KIAA1217: variants seen among roughly 807,000 people sequenced by gnomAD.
KIAA1217 encodes sickle tail protein homolog.
KIAA1217 carries 88 observed loss-of-function variants against 163.9 expected under a neutral mutation model. The ratio of observed to expected loss-of-function variants is 0.54; its 90% confidence interval spans 0.45 to 0.64. The LOEUF (loss-of-function observed/expected upper bound fraction) is 0.64, where lower values mean the gene tolerates loss of function less well. Among genes scored for constraint, KIAA1217 ranks in the 30% least tolerant of loss-of-function variants. The probability of loss-of-function intolerance (pLI) is 0.00; values close to 1 mark genes in which losing one functional copy is unlikely to be tolerated. For synonymous variants in KIAA1217, 903 were observed against 923.1 expected (o/e 0.98, Z 0.39); for missense variants, 2,372 against 2,475.0 (o/e 0.96, Z 0.88).
intron 2 of KIAA1217, among the ~76,000 whole-genome samples, chr10:24,273,883 G>A (rs1011991065): frequency 2.0e-5 from 3 of 151,328 alleles, no homozygotes; most frequent in Non-Finnish European, 2.9e-5. Context: ...AGTTACTGTT[G>A]CAGGGATTGG....
intron 2 of KIAA1217, among the ~76,000 whole-genome samples, chr10:24,175,926 G>A (rs980926413): frequency 3.9e-5 from 6 of 152,164 alleles, no homozygotes. Context: ...AGGCAGTGCG[G>A]ACCCAAAGAG....
chr10:24,537,577 C>CAAAA (rs72185665), intron 17 of KIAA1217, among the ~76,000 whole-genome samples: 137 of 119,154 alleles, frequency 1.1e-3, no homozygotes, highest in African/African-American at 3.4e-3. Context: ...AACTCTGTCT[C>CAAAA]AAAAAAAAAA....
chr10:23,810,690 G>T (rs1463608269), intron 1 of KIAA1217, among the ~76,000 whole-genome samples: 1 of 125,738 alleles, frequency 8.0e-6, no homozygotes, highest in African/African-American at 3.1e-5. Context: ...GCTATATATA[G>T]TATACTATAT....
chr10:23,891,265 A>C (rs768491725), intron 1 of KIAA1217, among the ~76,000 whole-genome samples: 3 of 151,954 alleles, frequency 2.0e-5, no homozygotes, highest in Non-Finnish European at 2.9e-5. Flanking sequence ...TTTAAGATAC[A>C]TCTTGCTATT....
intron 2 of KIAA1217, among the ~76,000 whole-genome samples, chr10:24,065,085 A>G (rs535401870): frequency 4.9e-4 from 75 of 152,274 alleles, no homozygotes; most frequent in African/African-American, 1.7e-3. Flanking sequence ...ATCCTTTCAA[A>G]AAACCAGCTC....
chr10:24,432,868 T>G, intron 3 of KIAA1217, 127 bp from the exon 4 acceptor site: 1 of 667,718 alleles, frequency 1.5e-6, no homozygotes, highest in South Asian at 1.9e-5. Flanking sequence ...AACCTAGATC[T>G]CTTGTTACAT....
chr10:24,271,158 A>T (rs1268058061), intron 2 of KIAA1217, among the ~76,000 whole-genome samples: 1 of 152,186 alleles, frequency 6.6e-6, no homozygotes, highest in African/African-American at 2.4e-5. Context: ...ATTTGGCATC[A>T]AAGTTATTTT....
intron 1 of KIAA1217, among the ~76,000 whole-genome samples, chr10:23,841,242 A>G (rs1307153956): frequency 6.6e-6 from 1 of 152,136 alleles, no homozygotes; most frequent in Non-Finnish European, 1.5e-5. Flanking sequence ...CTGAATGGTA[A>G]CAGAAGCCTG....
intron 2 of KIAA1217, among the ~76,000 whole-genome samples, chr10:24,066,023 A>C (rs2060928857): frequency 6.6e-6 from 1 of 151,828 alleles, no homozygotes; most frequent in Non-Finnish European, 1.5e-5. Context: ...CTTTATTTTG[A>C]GCCTATGTGT....
At chr10:24,536,237 C>T (rs944181757) in intron 16 of KIAA1217, among the ~76,000 whole-genome samples, 1 of 152,158 alleles carries the variant, frequency 6.6e-6, no homozygotes, top group African/African-American at 2.4e-5. Context: ...TGCTTAAAAG[C>T]ATCACTTTAC....
chr10:24,178,074 G>A (rs1379137360), intron 2 of KIAA1217, among the ~76,000 whole-genome samples: 1 of 152,134 alleles, frequency 6.6e-6, no homozygotes, highest in African/African-American at 2.4e-5. Flanking sequence ...ATTCTGAGGA[G>A]AGCAAATTAA....
In KIAA1217 at chr10:24,279,290, A is replaced by T. The variant is rs1323730047; in HGVS notation, c.354+59381A>T. ...TTTTTGTTTGTTTGTTTTTTTTTTTAAAAAAAGATCTGCAGAGGCTATTGT... is the reference window on the plus strand; with the variant it reads ...TTTTTGTTTGTTTGTTTTTTTTTTTTAAAAAAGATCTGCAGAGGCTATTGT... On this transcript the variant is annotated intron_variant, in intron 2 of 20. Transcript: ENST00000376454. Among the ~76,000 whole-genome samples the T allele has an allele frequency of 6.5e-4, 95 of 147,030 alleles. 1 individual carries two copies. The highest frequency in any genetic ancestry group is 1.4e-3 in the East Asian group (7 of 5,004).
chr10:23,916,403 T>C (rs1022511550), intron 1 of KIAA1217, among the ~76,000 whole-genome samples: 5 of 152,214 alleles, frequency 3.3e-5, no homozygotes, highest in African/African-American at 1.2e-4. Context: ...GTTGGTTCCT[T>C]TTCTGCAATC....
chr10:23,928,395 A>C (rs1002488544), intron 1 of KIAA1217, among the ~76,000 whole-genome samples: 2 of 152,166 alleles, frequency 1.3e-5, no homozygotes, highest in African/African-American at 4.8e-5. Context: ...GGCATGATAG[A>C]TCTTTCTCTT....
At chr10:24,445,650 G>C (rs1049463312) in intron 5 of KIAA1217, among the ~76,000 whole-genome samples, 6 of 150,284 alleles carry the variant, frequency 4.0e-5, no homozygotes, top group African/African-American at 1.5e-4. Context: ...TTGTCCTTGC[G>C]ATAGTTTGCT....
At chr10:24,329,037 T>C (rs2045317594) in intron 2 of KIAA1217, among the ~76,000 whole-genome samples, 1 of 148,640 alleles carries the variant, frequency 6.7e-6, no homozygotes. Context: ...GCATATACTA[T>C]ATACATAGTA....
intron 5 of KIAA1217, among the ~76,000 whole-genome samples, chr10:24,454,522 C>A (rs2061621814): frequency 6.6e-6 from 1 of 152,158 alleles, no homozygotes; most frequent in African/African-American, 2.4e-5. Context: ...CATACCAATG[C>A]CAATGATGGG....
At chr10:23,959,591 T>C (rs751348089) in intron 1 of KIAA1217, among the ~76,000 whole-genome samples, 11 of 152,118 alleles carry the variant, frequency 7.2e-5, no homozygotes, top group Non-Finnish European at 1.6e-4. Context: ...TTCATGTAAA[T>C]TTTACATGAC....
intron 1 of KIAA1217, among the ~76,000 whole-genome samples, chr10:23,953,983 C>T (rs1844448404): frequency 6.6e-6 from 1 of 152,182 alleles, no homozygotes; most frequent in Non-Finnish European, 1.5e-5. Context: ...CTCAGTGAAG[C>T]TCTTCTCTTG....
Sources: gnomAD v4.1 joint callset for allele counts (sites outside exome capture counted in the v4.1 genomes callset) on GRCh38, gnomAD v4.1.1 for gene constraint, MANE v1.5 for transcripts, NCBI Gene and HGNC (gene_info 2026-07-23, HGNC 2026-07-21) for gene names.